PAGR1: variants seen among roughly 807,000 people sequenced by gnomAD.
PAGR1 encodes PAXIP1 associated glutamate rich protein 1.
PAGR1 carries 20 observed loss-of-function variants against 22.4 expected under a neutral mutation model. The ratio of observed to expected loss-of-function variants is 0.89; its 90% CI spans 0.63 to 1.30. PAGR1 has a LOEUF of 1.30. Ranked by LOEUF, PAGR1 falls within the 50% of genes most tolerant of loss-of-function variation. PAGR1 has a pLI of 0.00. For synonymous variants in PAGR1, 161 were observed against 148.3 expected (o/e 1.09, Z -0.62); for missense variants, 338 against 343.6 (o/e 0.98, Z 0.13).
At chr16:29,819,325 C>G (rs937797837) in intron 2 of PAGR1, 1 of 561,598 alleles carries the variant, frequency 1.8e-6, no homozygotes, top group Non-Finnish European at 3.2e-6. Context: ...CTTGCCATTC[C>G]CCTGCCCAGT....
At position 29,817,014 on chromosome 16, in the gene PAGR1, G is replaced by A. The variant is rs746218396; in HGVS notation, c.482+7G>A. 3.2e-6 allele frequency: 5 copies of A among 1,563,956 alleles called. No individual in the cohort carries two copies. The African/African-American group carries it at 4.0e-5, about 13-fold the overall frequency. On this transcript the variant is annotated splice_region_variant and intron_variant, in intron 1 of 2. Coordinates refer to ENST00000320330, the MANE Select transcript of PAGR1 (RefSeq NM_024516.4). ...AAGAAGAGGAAGAGGAAAAGTAAAG[G>A]CACACCCTTACACCTTGTCCCGGGG...
rs368639575 is a variant in PAGR1 at position 29,816,554 on chromosome 16, C to T, written c.29C>T (p.Thr10Ile). 167 of 1,511,474 alleles carry T rather than the reference C, an allele frequency of 1.1e-4. No homozygotes were observed. The Middle Eastern group carries it at 3.5e-3, about 32-fold the overall frequency. The allele number at this position is 1,511,474 out of a possible 1,614,324, so 93.6% of individuals were successfully genotyped here. A position where few individuals can be genotyped will look rare whatever the true frequency, so the allele number is the denominator to read the frequency against. Residue 10 changes from threonine (T) to isoleucine (I), a missense_variant, in exon 1 of 3, where the codon ACT becomes ATT. By Grantham distance (89) the Thr-to-Ile change is moderately conservative. Coordinates refer to ENST00000320330, the MANE Select transcript of PAGR1 (RefSeq NM_024516.4). MSLARGHGD[T>I]AASTAAPLSE... Reference sequence around the variant, plus strand: ...TCCCTTGCTCGGGGCCATGGAGACACTGCGGCCAGTACGGCGGCGCCTCTG... The same window carrying T: ...TCCCTTGCTCGGGGCCATGGAGACATTGCGGCCAGTACGGCGGCGCCTCTG...
chr16:29,817,820 A>G (rs1417104676), intron 2 of PAGR1, among the ~76,000 whole-genome samples: 1 of 151,930 alleles, frequency 6.6e-6, no homozygotes, highest in African/African-American at 2.4e-5. Context: ...TTAGCCGGGC[A>G]TAGTGGCGGG....
chr16:29,816,547 G>T lies in PAGR1; in HGVS notation c.22G>T (p.Gly8Ter). Reference protein sequence around the residue: MSLARGHGDTAASTAAPL... With the variant: MSLARGH ...GCCTATGTCCCTTGCTCGGGGCCAT[G>T]GAGACACTGCGGCCAGTACGGCGGC... Residue 8 changes from glycine to a stop codon, truncating the protein, a stop_gained, in exon 1 of 3, where the codon GGA (glycine) becomes TGA (stop). Coordinates refer to ENST00000320330, the MANE Select transcript of PAGR1 (RefSeq NM_024516.4). LOFTEE classifies it high-confidence loss of function. 6.6e-7 allele frequency: 1 copy of T among 1,510,960 alleles called. No individual in the cohort carries two copies. Among genetic ancestry groups the T allele is most frequent in the Non-Finnish European group, 8.8e-7 (1 of 1,131,854 alleles). 93.6% of individuals were successfully genotyped at this position (1,510,960 alleles called of 1,614,324 possible). A position where few individuals can be genotyped will look rare whatever the true frequency, so the allele number is the denominator to read the frequency against.
chr16:29,818,357 TCTCTTTTAC>T (rs1900289051), intron 2 of PAGR1: 1 of 152,094 alleles, frequency 6.6e-6, no homozygotes, highest in Non-Finnish European at 1.5e-5. Flanking sequence ...TTGATTTCTC[TCTCTTTTAC>T]CTGAACATTC....
At chr16:29,817,100 A>T in intron 1 of PAGR1, 93 bp downstream of exon 1, 1 of 1,576,944 alleles carries the variant, frequency 6.3e-7, no homozygotes, top group East Asian at 2.3e-5. Context: ...GGAACCTTTG[A>T]AAGTGGAGGG....
rs551429703 is a variant in PAGR1 at position 29,821,872 on chromosome 16, A to G, written c.*2118A>G. ...CAGGGTCCAGAGGCTCTCTCCCGGA[A>G]ACTTAGACCCAGTGAGTCAGAAGTG... On this transcript the variant is annotated 3_prime_UTR_variant, in exon 3 of 3. Coordinates refer to ENST00000320330, the MANE Select transcript of PAGR1 (RefSeq NM_024516.4). Among the ~76,000 whole-genome samples the G allele has an allele frequency of 2.6e-5, 4 of 152,326 alleles. No homozygotes were observed. The highest frequency in any genetic ancestry group is 9.6e-5 in the African/African-American group (4 of 41,572).
Position 29,816,328 on chromosome 16 carries a change from G to A in PAGR1, c.-198G>A, listed in dbSNP as rs1351170457. ...CGGGGCCCGGGAGCCTCGGAGTACC[G>A]AACCTCGATCTCCGGGGCGGGGTCC... is the stretch of plus-strand genomic sequence containing the variant. On this transcript the variant is annotated 5_prime_UTR_variant, in exon 1 of 3. Transcript: ENST00000320330. 1.1e-5 allele frequency: 5 copies of A among 464,652 alleles called. No individual in the cohort carries two copies. In the East Asian group the frequency reaches 1.7e-4, roughly 16 times the overall value. 28.8% of individuals were successfully genotyped at this position (464,652 alleles called of 1,614,324 possible). A position where few individuals can be genotyped will look rare whatever the true frequency, so the allele number is the denominator to read the frequency against.
rs2067353827 is a variant in PAGR1, at chr16:29,820,940, A to T, written c.*1186A>T. On this transcript the variant is annotated 3_prime_UTR_variant, in exon 3 of 3. Transcript: ENST00000320330. ...CTTGAGCTCCAAGAATGTGACCTGTACCCATTCAGGCCCCTTAACTCTGAC... is the reference window on the plus strand; with the variant it reads ...CTTGAGCTCCAAGAATGTGACCTGTTCCCATTCAGGCCCCTTAACTCTGAC... 6.6e-6 allele frequency: 1 copy of T among 152,386 alleles called. No individual in the cohort carries two copies. The highest frequency in any genetic ancestry group is 1.5e-5 in the Non-Finnish European group (1 of 68,256). 9.4% of individuals were successfully genotyped at this position (152,386 alleles called of 1,614,324 possible).
chr16:29,816,803 A>G lies in PAGR1; in HGVS notation c.278A>G (p.Asp93Gly), dbSNP rs1425529344. The G allele has an allele frequency of 2.5e-6, 4 of 1,570,168 alleles. No homozygotes were observed. The highest frequency in any genetic ancestry group is 3.5e-6 in the Non-Finnish European group (4 of 1,158,120). The change falls in exon 1 of 3, where the codon GAC becomes GGC. Residue 93 changes from aspartate (D) to glycine (G), a missense_variant. Physicochemically the swap from Asp to Gly is moderately conservative, Grantham distance 94. This residue lies in a region of PAGR1 where 235 missense variants were observed against 216.0 expected (regional missense o/e 1.09). Transcript: ENST00000320330. Reference sequence around the variant, plus strand: ...GAGGACTGGTGCGTGCCCTGCAGCGACGAGGAGGTGGAGCTGCCTGCGGAT... The same window carrying G: ...GAGGACTGGTGCGTGCCCTGCAGCGGCGAGGAGGTGGAGCTGCCTGCGGAT... ...DSEDWCVPCS[D>G]EEVELPADGQ...
chr16:29,816,742 A>G lies in PAGR1; in HGVS notation c.217A>G (p.Ser73Gly), dbSNP rs776217162. ...CGAGGAGGCGCAGGGAGAAGTCCCC[A>G]GCGCTGGGGGAGAAGAGCCTGCCGA... Reference protein sequence around the residue: ...GGEEAQGEVPSAGGEEPAEED... With the variant: ...GGEEAQGEVPGAGGEEPAEED... Residue 73 changes from serine to glycine, a missense_variant, in exon 1 of 3, where the codon AGC (serine) becomes GGC (glycine). This residue lies in a region of PAGR1 where 235 missense variants were observed against 216.0 expected (regional missense o/e 1.09). Coordinates refer to ENST00000320330, the MANE Select transcript of PAGR1 (RefSeq NM_024516.4). 1.9e-5 allele frequency: 31 copies of G among 1,599,660 alleles called. 1 individual carries two copies. The highest frequency in any genetic ancestry group is 2.6e-5 in the Non-Finnish European group (31 of 1,173,822).
rs1286820837 is a variant in PAGR1 at position 29,819,548 on chromosome 16, TCTC to T, written c.566-5_566-3del. ...CCTTCCATGTATCTTACCTTCCTCT[TCTC>T]CAGGAAGCTCAGCCCGGAGCCAGAA... On this transcript the variant is annotated splice_region_variant and splice_polypyrimidine_tract_variant and intron_variant, in intron 2 of 2. Coordinates refer to ENST00000320330, the MANE Select transcript of PAGR1 (RefSeq NM_024516.4). 6.2e-7 allele frequency: 1 copy of T among 1,613,834 alleles called. No homozygotes were observed. Among genetic ancestry groups the T allele is most frequent in the Non-Finnish European group, 8.5e-7 (1 of 1,179,954 alleles).
At position 29,819,807 on chromosome 16, in the gene PAGR1, G is replaced by A; in HGVS notation, c.*53G>A. 1.3e-6 allele frequency: 2 copies of A among 1,544,098 alleles called. No individual in the cohort carries two copies. Among genetic ancestry groups the A allele is most frequent in the South Asian group, 2.4e-5 (2 of 84,860 alleles). On this transcript the variant is annotated 3_prime_UTR_variant, in exon 3 of 3. Coordinates refer to ENST00000320330, the MANE Select transcript of PAGR1 (RefSeq NM_024516.4). ...AGTGTCCGTACCTGCTGGAGCCTGG[G>A]CCCTCCTTCCCCAGCCCAGACATTG...
Position 29,819,290 on chromosome 16 carries a change from CTG to C in PAGR1, c.566-263_566-262del, listed in dbSNP as rs753190867. ...CCTGCACTCTTCTTTGAACAGAACTCTGTTCTTGTCCTGGGGCCTCTACCCTT... is the reference window on the plus strand; with the variant it reads ...CCTGCACTCTTCTTTGAACAGAACTCTTCTTGTCCTGGGGCCTCTACCCTT... On this transcript the variant is annotated intron_variant, in intron 2 of 2. Coordinates refer to ENST00000320330, the MANE Select transcript of PAGR1 (RefSeq NM_024516.4). The C allele has an allele frequency of 3.1e-5, 15 of 480,528 alleles. No homozygotes were observed. The East Asian group carries it at 3.6e-4, about 11-fold the overall frequency. 29.8% of individuals were successfully genotyped at this position (480,528 alleles called of 1,614,324 possible).
chr16:29,817,039 G>T (rs761989761), intron 1 of PAGR1, 32 bp downstream of exon 1: 19 of 1,554,554 alleles, frequency 1.2e-5, no homozygotes, highest in Non-Finnish European at 2.6e-6. Flanking sequence ...TTGTCCCGGG[G>T]CTGCTCCCCT....
At chr16:29,817,711 A>G (rs1900279597) in intron 2 of PAGR1, among the ~76,000 whole-genome samples, 2 of 151,998 alleles carry the variant, frequency 1.3e-5, no homozygotes, top group Non-Finnish European at 2.9e-5. Flanking sequence ...TGACCTTGTG[A>G]TCCGCCCACC....
At position 29,822,092 on chromosome 16, in the gene PAGR1, T is replaced by TG. The variant is rs1045623025; in HGVS notation, c.*2338_*2339insG. Among the ~76,000 whole-genome samples the TG allele has an allele frequency of 9.3e-5, 14 of 151,260 alleles. No homozygotes were observed. The highest frequency in any genetic ancestry group is 2.1e-4 in the South Asian group (1 of 4,806). On this transcript the variant is annotated 3_prime_UTR_variant, in exon 3 of 3. Transcript: ENST00000320330. ...GTGTGTGTGGTTGGGGTTTTGTTTT[T>TG]TTTTTTTTTTTAAAGAATTATAGCT... is the stretch of plus-strand genomic sequence containing the variant.
chr16:29,816,879 G>A lies in PAGR1; in HGVS notation c.354G>A (p.Leu118=), dbSNP rs769455895. 1.3e-6 allele frequency: 2 copies of A among 1,564,036 alleles called. No homozygotes were observed. Among genetic ancestry groups the A allele is most frequent in the South Asian group, 2.3e-5 (2 of 85,978 alleles). Residue 118 remains leucine (L), a synonymous_variant, in exon 1 of 3, where the codon CTG becomes CTA. Coordinates refer to ENST00000320330, the MANE Select transcript of PAGR1 (RefSeq NM_024516.4). ...PPSEIQRLYE[L]LAAHGTLELQ... is the part of the protein sequence containing the mutation. ...CCGAAATCCAGCGGCTCTATGAACT[G>A]CTGGCTGCCCACGGTACTCTGGAGC...
Position 29,821,065 on chromosome 16 carries a change from G to A in PAGR1, c.*1311G>A, listed in dbSNP as rs1180949587. On this transcript the variant is annotated 3_prime_UTR_variant, in exon 3 of 3. Coordinates refer to ENST00000320330, the MANE Select transcript of PAGR1 (RefSeq NM_024516.4). ...AGCAGAGTGATTTCCAGAAGGCGTA[G>A]AATTTAGTGACCAAGGTTCTTTCCT... 6.6e-6 allele frequency: 1 copy of A among 152,270 alleles called. No homozygotes were observed. The highest frequency in any genetic ancestry group is 1.5e-5 in the Non-Finnish European group (1 of 68,054). 9.4% of individuals were successfully genotyped at this position (152,270 alleles called of 1,614,324 possible). A position where few individuals can be genotyped will look rare whatever the true frequency, so the allele number is the denominator to read the frequency against.
Sources: gnomAD v4.1 joint callset for allele counts (sites outside exome capture counted in the v4.1 genomes callset) on GRCh38, gnomAD v4.1.1 for gene constraint, gnomAD v4.1.1 regional missense constraint, MANE v1.5 for transcripts, NCBI Gene and HGNC (gene_info 2026-07-23, HGNC 2026-07-21) for gene names.